The following ZNF395 variants were observed in gnomAD, a reference collection of about 807,000 sequenced individuals.
ZNF395 encodes HD gene regulatory region-binding protein 2.
In ZNF395, 20 loss-of-function variants were observed where a neutral mutation model predicts 57.7. The observed-to-expected ratio is 0.35, with a 90% confidence interval of 0.24 to 0.50. ZNF395 has a LOEUF of 0.50. ZNF395 is among the 20% of genes least tolerant of loss of function. The pLI is 0.97. For synonymous variants in ZNF395, 295 were observed against 275.9 expected (o/e 1.07, Z -0.69); for missense variants, 606 against 671.2 (o/e 0.90, Z 1.07).
chr8:28,380,199 T>C (rs1213732306), intron 1 of ZNF395, among the ~76,000 whole-genome samples: 1 of 152,344 alleles, frequency 6.6e-6, no homozygotes, highest in South Asian at 2.1e-4. Context: ...TAAATCATCA[T>C]CTACATTGTG....
At chr8:28,355,692 T>C (rs1801770364) in intron 4 of ZNF395, among the ~76,000 whole-genome samples, 1 of 152,244 alleles carries the variant, frequency 6.6e-6, no homozygotes, top group African/African-American at 2.4e-5. Flanking sequence ...TCCTCTTCCC[T>C]ATTTGGCTGC....
rs964626044 is a variant in ZNF395 at position 28,346,686 on chromosome 8, C to G, written c.*2033G>C. 1.3e-5 allele frequency: 2 copies of G among 152,080 alleles called. No individual in the cohort carries two copies. Among genetic ancestry groups the G allele is most frequent in the Non-Finnish European group, 1.5e-5 (1 of 68,082 alleles). 9.4% of individuals were successfully genotyped at this position (152,080 alleles called of 1,614,324 possible). On this transcript the variant is annotated 3_prime_UTR_variant, in exon 10 of 10. Transcript: ENST00000344423. ...TTCAAACAGCTTTCTAAAGACGAGACGGCAGTGAAAACTCTGAGGGAGAGG... is the reference window on the plus strand; with the variant it reads ...TTCAAACAGCTTTCTAAAGACGAGAGGGCAGTGAAAACTCTGAGGGAGAGG...
chr8:28,360,787 C>T (rs1429186931), intron 2 of ZNF395, 98 bp downstream of exon 2: 27 of 1,514,602 alleles, frequency 1.8e-5, no homozygotes, highest in African/African-American at 8.3e-5. Context: ...GCACTCAAAA[C>T]GGTGCCCAGA....
intron 3 of ZNF395, among the ~76,000 whole-genome samples, chr8:28,358,134 G>GT (rs958196652): frequency 2.8e-5 from 4 of 141,614 alleles, no homozygotes; most frequent in Admixed American, 7.0e-5. Flanking sequence ...TGTTTTGTGG[G>GT]TTTTTTTCTT....
At chr8:28,350,318 G>A (rs779017440) in intron 7 of ZNF395, among the ~76,000 whole-genome samples, 162 bp from the exon 8 acceptor site, 3 of 152,234 alleles carry the variant, frequency 2.0e-5, no homozygotes, top group Non-Finnish European at 2.9e-5. Context: ...GGACAACACT[G>A]GAGTATCATC....
At chr8:28,367,099 A>C (rs1479718378) in intron 1 of ZNF395, among the ~76,000 whole-genome samples, 3 of 151,828 alleles carry the variant, frequency 2.0e-5, no homozygotes, top group Non-Finnish European at 2.9e-5. Flanking sequence ...TCAGAGTGTG[A>C]CAATGTGGAT....
chr8:28,377,396 C>G (rs1249043915), intron 1 of ZNF395, among the ~76,000 whole-genome samples: 1 of 152,118 alleles, frequency 6.6e-6, no homozygotes, highest in African/African-American at 2.4e-5. Flanking sequence ...GAGTAAGATC[C>G]TGTCTCAAAA....
In ZNF395 at chr8:28,351,728, C is replaced by T. The variant is rs755926571; in HGVS notation, c.1000G>A (p.Ala334Thr). The change falls in exon 7 of 10, where the codon GCT becomes ACT. Residue 334 changes from alanine to threonine, a missense_variant. Coordinates refer to ENST00000344423, the MANE Select transcript of ZNF395 (RefSeq NM_018660.3). ...TEVQLKEESAAAAAAAAAGTP... is the reference protein window; with the variant it reads ...TEVQLKEESATAAAAAAAGTP... ...CCTGCGGCAGCAGCAGCAGCAGCAG[C>T]AGCAGATTCCTCCTTCAGCTGCACC... 1.9e-6 allele frequency: 3 copies of T among 1,606,960 alleles called. No homozygotes were observed. The highest frequency in any genetic ancestry group is 1.3e-5 in the African/African-American group (1 of 75,060).
At chr8:28,385,763 C>G (rs1316293042) in intron 1 of ZNF395, among the ~76,000 whole-genome samples, 1 of 147,838 alleles carries the variant, frequency 6.8e-6, no homozygotes, top group Non-Finnish European at 1.5e-5. Context: ...GAGGGGGCTC[C>G]GAGAGTGGGG....
At chr8:28,350,254 T>C (rs1477642757) in intron 7 of ZNF395, 98 bp from the exon 8 acceptor site, 23 of 1,033,676 alleles carry the variant, frequency 2.2e-5, no homozygotes, top group East Asian at 2.7e-5. Context: ...AGAAGGTGCA[T>C]CTCTGCGTAA....
Position 28,356,836 on chromosome 8 carries a change from C to A in ZNF395, c.474-57G>T. 2 of 1,403,232 alleles carry A rather than the reference C, an allele frequency of 1.4e-6. No homozygotes were observed. Among genetic ancestry groups the A allele is most frequent in the Admixed American group, 2.0e-5 (1 of 49,250 alleles). The allele number at this position is 1,403,232 out of a possible 1,614,324, so 86.9% of individuals were successfully genotyped here. On this transcript the variant is annotated intron_variant, in intron 3 of 9. Transcript: ENST00000344423. This position sits in a 1 kb window ranked among gnomAD's most constrained non-coding sequence, Gnocchi z 4.0. ...CTTCCTGGCATGGCGGGCCCATGGTCCTTGCAAAACGAGACACCACTTCTG... is the reference window on the plus strand; with the variant it reads ...CTTCCTGGCATGGCGGGCCCATGGTACTTGCAAAACGAGACACCACTTCTG...
At chr8:28,371,798 C>T (rs1801979645) in intron 1 of ZNF395, among the ~76,000 whole-genome samples, 1 of 152,182 alleles carries the variant, frequency 6.6e-6, no homozygotes, top group African/African-American at 2.4e-5. Context: ...CCTGTAATCC[C>T]AGCACTTTGG....
intron 1 of ZNF395, among the ~76,000 whole-genome samples, chr8:28,383,719 T>C (rs1479732741): frequency 6.6e-6 from 1 of 152,012 alleles, no homozygotes; most frequent in East Asian, 1.9e-4. Context: ...GCCCCCCTAT[T>C]ACCAGCAGCC....
At chr8:28,373,750 T>C (rs997772745) in intron 1 of ZNF395, among the ~76,000 whole-genome samples, 1 of 152,170 alleles carries the variant, frequency 6.6e-6, no homozygotes, top group Non-Finnish European at 1.5e-5. Context: ...ATACCAACCC[T>C]TCCCACAAAC....
In ZNF395 at chr8:28,350,106, G is replaced by A. The variant is rs139952779; in HGVS notation, c.1284C>T (p.Val428=). The change falls in exon 8 of 10, where the codon GTC becomes GTT. Residue 428 remains valine (V), a synonymous_variant. Coordinates refer to ENST00000344423, the MANE Select transcript of ZNF395 (RefSeq NM_018660.3). The part of the protein sequence containing the change: ...IPVSPHIYTS[V]SWAAAPSAAC... The stretch of plus-strand genomic sequence containing the variant: ...CGGCGGAGGGGGCAGCAGCCCAGCT[G>A]ACACTGGTGTAGATGTGTGGTGAGA... The A allele has an allele frequency of 1.9e-6, 3 of 1,608,404 alleles. No individual in the cohort carries two copies. The highest frequency in any genetic ancestry group is 1.7e-6 in the Non-Finnish European group (2 of 1,178,662).
At chr8:28,357,983 C>T (rs923297696) in intron 3 of ZNF395, among the ~76,000 whole-genome samples, 1 of 152,082 alleles carries the variant, frequency 6.6e-6, no homozygotes, top group African/African-American at 2.4e-5. Context: ...AATTCTAAAG[C>T]AAAATACATT....
At position 28,346,516 on chromosome 8, in the gene ZNF395, C is replaced by T. The variant is rs529311072; in HGVS notation, c.*2203G>A. 6.6e-6 allele frequency: 1 copy of T among 152,464 alleles called. No individual in the cohort carries two copies. The highest frequency in any genetic ancestry group is 6.5e-5 in the Admixed American group (1 of 15,298). 9.4% of individuals were successfully genotyped at this position (152,464 alleles called of 1,614,324 possible). On this transcript the variant is annotated 3_prime_UTR_variant, in exon 10 of 10. Transcript: ENST00000344423. ...GCACCAAAACCTAGTAAGAACAAAG[C>T]AAAACCACCGTGGTTTCCACACTGC...
At chr8:28,367,376 C>T (rs1363922656) in intron 1 of ZNF395, among the ~76,000 whole-genome samples, 1 of 152,156 alleles carries the variant, frequency 6.6e-6, no homozygotes, top group African/African-American at 2.4e-5. Context: ...TCCCAACTAA[C>T]ACTACTATTT....
intron 1 of ZNF395, among the ~76,000 whole-genome samples, chr8:28,363,739 G>C (rs1380791724): frequency 6.6e-6 from 1 of 152,128 alleles, no homozygotes; most frequent in Non-Finnish European, 1.5e-5. Flanking sequence ...AAATTCCTGG[G>C]CTCCCAGTCT....
Sources: allele counts gnomAD v4.1 joint callset (sites outside exome capture counted in the v4.1 genomes callset), GRCh38; gene constraint gnomAD v4.1.1; non-coding constraint Gnocchi (gnomAD v3.1); transcripts MANE v1.5; gene names NCBI Gene and HGNC (gene_info 2026-07-23, HGNC 2026-07-21).